Variants in PTGFRN observed in about 807,000 individuals in gnomAD.
PTGFRN encodes the protein prostaglandin F2 receptor negative regulator.
PTGFRN carries 35 observed loss-of-function variants against 83.2 expected under a neutral mutation model. The observed-to-expected ratio is 0.42, with a 90% CI of 0.32 to 0.56. The LOEUF is 0.56. PTGFRN is among the 20% of genes least tolerant of loss of function. The probability of loss-of-function intolerance (pLI) is 0.11; values close to 1 mark genes in which losing one functional copy is unlikely to be tolerated. For synonymous variants in PTGFRN, 519 were observed against 498.6 expected, an observed-to-expected ratio of 1.04 and a Z score of -0.55; for missense variants, 1,051 against 1,179.5, an observed-to-expected ratio of 0.89 and a Z score of 1.60.
At chr1:116,928,970 C>T (rs954866325) in intron 1 of PTGFRN, among the ~76,000 whole-genome samples, 1 of 152,142 alleles carries the variant, frequency 6.6e-6, no homozygotes, top group Non-Finnish European at 1.5e-5. Context: ...TTGGACCTCC[C>T]CACTGAGCTC....
rs749089313 is a variant in PTGFRN, at chr1:116,949,448, T to C, written c.1089T>C (p.Val363=). 6 of 1,614,124 alleles carry C rather than the reference T, an allele frequency of 3.7e-6. No homozygotes were observed. The highest frequency in any genetic ancestry group is 5.1e-6 in the Non-Finnish European group (6 of 1,180,050). Residue 363 remains valine, a synonymous_variant, in exon 4 of 9, where the codon GTT becomes GTC. Transcript: ENST00000393203. The stretch of plus-strand genomic sequence containing the variant: ...CCTACCATTTACTGGTTCGGGATGT[T>C]AGCAAAGAAAACTCTGGCTACTATT... The part of the protein sequence containing the change: ...ARSYHLLVRD[V]SKENSGYYYC...
chr1:116,956,162 T>A (rs112869931), intron 4 of PTGFRN, among the ~76,000 whole-genome samples: 13 of 151,976 alleles, frequency 8.6e-5, no homozygotes, highest in African/African-American at 2.9e-4. Context: ...TCTCCAGGAG[T>A]GTAAGTCTAA....
intron 7 of PTGFRN, 107 bp from the exon 8 acceptor site, chr1:116,984,573 A>G: frequency 9.8e-7 from 1 of 1,016,176 alleles, no homozygotes; most frequent in Admixed American, 2.3e-5. Context: ...GAAGGCATGT[A>G]GTGTTGTGCT....
intron 1 of PTGFRN, among the ~76,000 whole-genome samples, chr1:116,916,933 G>T (rs1227450719): frequency 6.6e-6 from 1 of 152,116 alleles, no homozygotes; most frequent in African/African-American, 2.4e-5. Context: ...AGGGTCAAGG[G>T]CAGGTTCTTG....
chr1:116,970,891 C>G (rs995119252), intron 6 of PTGFRN, among the ~76,000 whole-genome samples: 3 of 152,144 alleles, frequency 2.0e-5, no homozygotes, highest in Admixed American at 1.3e-4. Flanking sequence ...TATTAAAAAC[C>G]AAGGGGCCCT....
At chr1:116,957,271 G>A (rs1650528525) in intron 4 of PTGFRN, among the ~76,000 whole-genome samples, 1 of 151,950 alleles carries the variant, frequency 6.6e-6, no homozygotes, top group African/African-American at 2.4e-5. Flanking sequence ...CAGTTAGAAT[G>A]CCCAGACCTC....
At chr1:116,916,717 C>G (rs554906210) in intron 1 of PTGFRN, among the ~76,000 whole-genome samples, 9 of 152,314 alleles carry the variant, frequency 5.9e-5, no homozygotes, top group South Asian at 2.1e-4. Flanking sequence ...TTAGCCCTAG[C>G]TTTGGAATGA....
chr1:116,966,922 G>T lies in PTGFRN; in HGVS notation c.1651G>T (p.Val551Leu). 1 of 1,597,890 alleles carries T rather than the reference G, an allele frequency of 6.3e-7. No homozygotes were observed. Residue 551 changes from valine (V) to leucine (L), a missense_variant, in exon 6 of 9, where the codon GTG (valine) becomes TTG (leucine). Transcript: ENST00000393203. ...GTCATTCATTCCAGATTCCGTGCTT[G>T]TGGTGAAGGCGAGGCAGCCAAAGCC... ...IFWALEDSVLVVKARQPKPFF... is the reference protein window; with the variant it reads ...IFWALEDSVLLVKARQPKPFF...
chr1:116,921,915 C>T (rs181285737), intron 1 of PTGFRN, among the ~76,000 whole-genome samples: 1 of 152,226 alleles, frequency 6.6e-6, no homozygotes, highest in East Asian at 1.9e-4. Context: ...GGAGGAAATG[C>T]ATTTCAGGTA....
At chr1:116,977,568 C>T (rs981994095) in intron 7 of PTGFRN, among the ~76,000 whole-genome samples, 5 of 152,210 alleles carry the variant, frequency 3.3e-5, no homozygotes, top group African/African-American at 7.2e-5. Flanking sequence ...TTAAGAAACT[C>T]ACTCAAAATC....
rs2101092937 is a variant in PTGFRN, at chr1:116,984,714, G to A, written c.2202G>A (p.Val734=). The change falls in exon 8 of 9, where the codon GTG becomes GTA. Residue 734 remains valine, a synonymous_variant. Coordinates refer to ENST00000393203, the MANE Select transcript of PTGFRN (RefSeq NM_020440.4). ...CCTTTGATGTGTCCTGGTTTGCGGT[G>A]CACTCTTTTGGCCTGGACAAGGCTC... ...DMAFDVSWFA[V]HSFGLDKAPV... The A allele has an allele frequency of 1.2e-6, 2 of 1,614,166 alleles. No homozygotes were observed. The highest frequency in any genetic ancestry group is 2.7e-5 in the African/African-American group (2 of 75,042).
In PTGFRN at chr1:116,941,760, T is replaced by C; in HGVS notation, c.95T>C (p.Val32Ala). Residue 32 changes from valine (V) to alanine (A), a missense_variant, in exon 2 of 9, where the codon GTT becomes GCT. This residue lies in a region of PTGFRN where 127 missense variants were observed against 168.4 expected (regional missense o/e 0.75). Coordinates refer to ENST00000393203, the MANE Select transcript of PTGFRN (RefSeq NM_020440.4). This position sits in a 1 kb window ranked among gnomAD's most constrained non-coding sequence, Gnocchi z 5.0. Reference sequence around the variant, plus strand: ...GTGAGAGTCCCCACAGCGACCCTGGTTCGAGTGGTGGGCACTGAGCTGGTC... The same window carrying C: ...GTGAGAGTCCCCACAGCGACCCTGGCTCGAGTGGTGGGCACTGAGCTGGTC... Reference protein sequence around the residue: ...RVVRVPTATLVRVVGTELVIP... With the variant: ...RVVRVPTATLARVVGTELVIP... The C allele has an allele frequency of 2.5e-6, 4 of 1,614,068 alleles. No individual in the cohort carries two copies. The highest frequency in any genetic ancestry group is 3.4e-6 in the Non-Finnish European group (4 of 1,179,998).
In PTGFRN at chr1:116,967,320, C is replaced by A; in HGVS notation, c.2049C>A (p.Phe683Leu). ...TSLSNPIEIDFQTSGPIFNAS... is the reference protein window; with the variant it reads ...TSLSNPIEIDLQTSGPIFNAS... Reference sequence around the variant, plus strand: ...TCTCCAATCCTATTGAGATAGACTTCCAAACCTCAGGTGAGCAGTGAGCCC... The same window carrying A: ...TCTCCAATCCTATTGAGATAGACTTACAAACCTCAGGTGAGCAGTGAGCCC... Residue 683 changes from phenylalanine to leucine, a missense_variant, in exon 6 of 9, where the codon TTC becomes TTA. This residue lies in a region of PTGFRN where 719 missense variants were observed against 836.6 expected (regional missense o/e 0.86). Transcript: ENST00000393203. 1 of 1,609,710 alleles carries A rather than the reference C, an allele frequency of 6.2e-7. No homozygotes were observed. Among genetic ancestry groups the A allele is most frequent in the East Asian group, 2.2e-5 (1 of 44,782 alleles).
rs1477830428 is a variant in PTGFRN at position 116,941,530 on chromosome 1, G to A, written c.50-185G>A. Among the ~76,000 whole-genome samples, 1 of 152,136 alleles carries A rather than the reference G, an allele frequency of 6.6e-6. No homozygotes were observed. The highest frequency in any genetic ancestry group is 2.4e-5 in the African/African-American group (1 of 41,424). On this transcript the variant is annotated intron_variant, in intron 1 of 8. Transcript: ENST00000393203. The surrounding 1 kb of genome is among the most constrained non-coding windows in gnomAD (Gnocchi z 5.0). ...GTTGTGTGAGAGATGCTCATTTTGA[G>A]GTTGCATTCCTGGCTCATTATTTAA...
At chr1:116,969,262 A>T (rs1044368394) in intron 6 of PTGFRN, among the ~76,000 whole-genome samples, 1 of 152,028 alleles carries the variant, frequency 6.6e-6, no homozygotes, top group African/African-American at 2.4e-5. Context: ...GCTATGATTC[A>T]TGTTAATTTT....
chr1:116,941,623 C>G lies in PTGFRN; in HGVS notation c.50-92C>G, dbSNP rs1650062367. 6.7e-7 allele frequency: 1 copy of G among 1,483,152 alleles called. No individual in the cohort carries two copies. The highest frequency in any genetic ancestry group is 9.0e-7 in the Non-Finnish European group (1 of 1,110,812). The allele number at this position is 1,483,152 out of a possible 1,614,324, so 91.9% of individuals were successfully genotyped here. A position where few individuals can be genotyped will look rare whatever the true frequency, so the allele number is the denominator to read the frequency against. Reference sequence around the variant, plus strand: ...GTTTGGCTGTCACGTTTCTGCCATGCCTGTGAGCAGGAGCATCCACAGGTT... The same window carrying G: ...GTTTGGCTGTCACGTTTCTGCCATGGCTGTGAGCAGGAGCATCCACAGGTT... On this transcript the variant is annotated intron_variant, in intron 1 of 8. Transcript: ENST00000393203. The surrounding 1 kb of genome is among the most constrained non-coding windows in gnomAD (Gnocchi z 5.0).
intron 1 of PTGFRN, among the ~76,000 whole-genome samples, chr1:116,934,188 C>T (rs1215826593): frequency 6.6e-6 from 1 of 152,092 alleles, no homozygotes; most frequent in Non-Finnish European, 1.5e-5. Flanking sequence ...CTGTGTTGCC[C>T]AGGCAGGAGT....
At chr1:116,922,148 G>A (rs1054111323) in intron 1 of PTGFRN, among the ~76,000 whole-genome samples, 4 of 152,134 alleles carry the variant, frequency 2.6e-5, no homozygotes, top group Non-Finnish European at 4.4e-5. Flanking sequence ...GCTAAGAGCC[G>A]GCATGTGTGA....
At position 116,944,962 on chromosome 1, in the gene PTGFRN, G is replaced by C. The variant is rs1650157164; in HGVS notation, c.702G>C (p.Val234=). ...TVGSDAYRLS[V]SRALSADQGS... is the part of the protein sequence containing the mutation. ...GCAGCGACGCCTACCGCCTCTCAGT[G>C]TCCCGGGCTCTGTCTGCCGACCAGG... Residue 234 remains valine, a synonymous_variant, in exon 3 of 9, where the codon GTG becomes GTC. Coordinates refer to ENST00000393203, the MANE Select transcript of PTGFRN (RefSeq NM_020440.4). The C allele has an allele frequency of 6.2e-7, 1 of 1,613,558 alleles. No individual in the cohort carries two copies. Among genetic ancestry groups the C allele is most frequent in the South Asian group, 1.1e-5 (1 of 91,092 alleles).
Sources: allele counts gnomAD v4.1 joint callset (sites outside exome capture counted in the v4.1 genomes callset), GRCh38; gene constraint gnomAD v4.1.1; regional missense constraint gnomAD v4.1.1; non-coding constraint Gnocchi (gnomAD v3.1); transcripts MANE v1.5; gene names NCBI Gene and HGNC (gene_info 2026-07-23, HGNC 2026-07-21).